ANXA10: variants seen among roughly 807,000 people sequenced by gnomAD.
ANXA10 encodes the protein annexin 14.
A neutral mutation model predicts 53.5 loss-of-function variants in ANXA10; 49 were observed. That is an observed-to-expected ratio of 0.92 (90% CI 0.73 to 1.16). ANXA10 has a LOEUF of 1.16. Ranked by LOEUF, ANXA10 falls within the 50% of genes most tolerant of loss-of-function variation. The pLI, the probability that ANXA10 is intolerant of heterozygous loss-of-function variation, is 0.00. For synonymous variants in ANXA10, 131 were observed against 128.9 expected, an observed-to-expected ratio of 1.02 and a Z score of -0.11; for missense variants, 393 against 394.4, an observed-to-expected ratio of 1.00 and a Z score of 0.03.
At chr4:168,155,939 TATATA>T (rs547997473) in intron 3 of ANXA10, among the ~76,000 whole-genome samples, 3,316 of 51,808 alleles carry the variant, frequency 0.064, 482 homozygotes, top group Middle Eastern at 0.075. Context: ...TTATATGTTA[TATATA>T]ATATATGATA....
intron 3 of ANXA10, among the ~76,000 whole-genome samples, chr4:168,143,906 C>T (rs1483446837): frequency 1.3e-5 from 2 of 152,146 alleles, no homozygotes; most frequent in Non-Finnish European, 2.9e-5. Flanking sequence ...AACACTCAGG[C>T]TTACAAGGGC....
At chr4:168,123,549 G>GA (rs1731023542) in intron 1 of ANXA10, among the ~76,000 whole-genome samples, 1 of 152,156 alleles carries the variant, frequency 6.6e-6, no homozygotes, top group African/African-American at 2.4e-5. Context: ...ATCAGACATT[G>GA]AGGTTCATCA....
chr4:168,118,724 A>G (rs1337759166), intron 1 of ANXA10, among the ~76,000 whole-genome samples: 1 of 152,180 alleles, frequency 6.6e-6, no homozygotes, highest in Non-Finnish European at 1.5e-5. Flanking sequence ...TTTGCTTTTT[A>G]AAAATATGTG....
chr4:168,151,108 A>C (rs1731489073), intron 3 of ANXA10, among the ~76,000 whole-genome samples: 1 of 152,120 alleles, frequency 6.6e-6, no homozygotes, highest in South Asian at 2.1e-4. Context: ...ATTTCATTTT[A>C]ATTTTTCAAT....
intron 1 of ANXA10, among the ~76,000 whole-genome samples, chr4:168,119,071 G>C (rs1292397538): frequency 6.6e-6 from 1 of 151,990 alleles, no homozygotes. Flanking sequence ...TATTTAGTGT[G>C]CCTTGATATA....
chr4:168,153,950 A>C (rs906706500), intron 3 of ANXA10, among the ~76,000 whole-genome samples: 1 of 151,298 alleles, frequency 6.6e-6, no homozygotes, highest in Admixed American at 6.6e-5. Context: ...TTTTTTTTAC[A>C]AAATTAGTTC....
At chr4:168,149,997 C>A (rs146241857) in intron 3 of ANXA10, among the ~76,000 whole-genome samples, 27 of 152,266 alleles carry the variant, frequency 1.8e-4, no homozygotes, top group African/African-American at 6.3e-4. Context: ...ATACAGTGCC[C>A]GAAATTAGGC....
At chr4:168,181,612 T>G in intron 9 of ANXA10, 71 bp from the exon 10 acceptor site, 1 of 1,221,472 alleles carries the variant, frequency 8.2e-7, no homozygotes, top group East Asian at 2.3e-5. Flanking sequence ...AGTGTTATTG[T>G]TTCTCAAATT....
At chr4:168,167,993 C>T (rs966284997) in intron 6 of ANXA10, among the ~76,000 whole-genome samples, 1 of 152,156 alleles carries the variant, frequency 6.6e-6, no homozygotes, top group Non-Finnish European at 1.5e-5. Flanking sequence ...AACTTTCTCT[C>T]TTCTCCCTTG....
intron 3 of ANXA10, among the ~76,000 whole-genome samples, chr4:168,160,042 A>ACG (rs1731753961): frequency 6.6e-6 from 1 of 152,108 alleles, no homozygotes; most frequent in South Asian, 2.1e-4. Context: ...TTGAGTATAT[A>ACG]TATATTTTTT....
At chr4:168,170,864 C>A (rs568089821) in intron 6 of ANXA10, among the ~76,000 whole-genome samples, 2 of 152,086 alleles carry the variant, frequency 1.3e-5, no homozygotes, top group African/African-American at 4.8e-5. Context: ...AATGGAGGTA[C>A]CAAACTATTA....
At chr4:168,151,468 A>G (rs1360915317) in intron 3 of ANXA10, among the ~76,000 whole-genome samples, 1 of 152,236 alleles carries the variant, frequency 6.6e-6, no homozygotes, top group Non-Finnish European at 1.5e-5. Flanking sequence ...TTCATTGGCA[A>G]CACAGAACAG....
chr4:168,128,078 C>T lies in ANXA10; in HGVS notation c.19-6C>T, dbSNP rs775789471. On this transcript the variant is annotated splice_polypyrimidine_tract_variant and splice_region_variant and intron_variant, in intron 1 of 11. Coordinates refer to ENST00000359299, the MANE Select transcript of ANXA10 (RefSeq NM_007193.5). ...ACAATCACTTTCTCATTGATTTTCC[C>T]ACCAGGTGCAAGGAACCATCTTCCC... is the stretch of plus-strand genomic sequence containing the variant. 2 of 1,610,288 alleles carry T rather than the reference C, an allele frequency of 1.2e-6. No individual in the cohort carries two copies. Among genetic ancestry groups the T allele is most frequent in the Admixed American group, 1.7e-5 (1 of 59,854 alleles).
intron 3 of ANXA10, among the ~76,000 whole-genome samples, chr4:168,144,479 G>T (rs771272130): frequency 6.6e-6 from 1 of 152,128 alleles, no homozygotes; most frequent in South Asian, 2.1e-4. Context: ...GAGCCACTGC[G>T]CCCAGTTGTT....
intron 7 of ANXA10, 40 bp from the exon 8 acceptor site, chr4:168,177,850 A>T: frequency 6.2e-7 from 1 of 1,613,986 alleles, no homozygotes; most frequent in Non-Finnish European, 8.5e-7. Flanking sequence ...AATGGGCTGG[A>T]GTGGTTCTGA....
chr4:168,095,691 T>C (rs1730530208), intron 1 of ANXA10, among the ~76,000 whole-genome samples: 1 of 152,114 alleles, frequency 6.6e-6, no homozygotes, highest in South Asian at 2.1e-4. Context: ...TGCAAACTTC[T>C]AGGACAGTAT....
intron 3 of ANXA10, among the ~76,000 whole-genome samples, chr4:168,144,903 T>C (rs1029442579): frequency 4.6e-5 from 7 of 152,154 alleles, no homozygotes; most frequent in Non-Finnish European, 8.8e-5. Flanking sequence ...CAGGGGAATA[T>C]AGAGTTTAAT....
rs1166024725 is a variant in ANXA10, at chr4:168,182,365, C to G, written c.783+624C>G. 1.5e-4 allele frequency among the ~76,000 whole-genome samples: 13 copies of G among 86,834 alleles called. 1 individual carries two copies. The Middle Eastern group carries it at 0.043, about 286-fold the overall frequency. 57.0% of individuals were successfully genotyped at this position (86,834 alleles called of 152,430 possible). ...TTTTTTTTTGAGATGGAGTCTTGCTCTGCTGCCCAGGCTGGAGTGCAGTGG... is the reference window on the plus strand; with the variant it reads ...TTTTTTTTTGAGATGGAGTCTTGCTGTGCTGCCCAGGCTGGAGTGCAGTGG... On this transcript the variant is annotated intron_variant, in intron 10 of 11. Transcript: ENST00000359299.
intron 8 of ANXA10, among the ~76,000 whole-genome samples, chr4:168,178,618 A>T (rs1411155404): frequency 6.6e-6 from 1 of 152,192 alleles, no homozygotes; most frequent in East Asian, 1.9e-4. Flanking sequence ...TAATGAAAAG[A>T]CATCTTCTTG....
Sources: allele counts gnomAD v4.1 joint callset (sites outside exome capture counted in the v4.1 genomes callset), GRCh38; gene constraint gnomAD v4.1.1; transcripts MANE v1.5; gene names NCBI Gene and HGNC (gene_info 2026-07-23, HGNC 2026-07-21).